ZNF385B: variants seen among roughly 807,000 people sequenced by gnomAD.
ZNF385B encodes zinc finger protein 385B.
A neutral mutation model predicts 39.2 loss-of-function variants in ZNF385B; 23 were observed. That is an observed-to-expected ratio of 0.59 (90% CI 0.42 to 0.83). The LOEUF (loss-of-function observed/expected upper bound fraction) is 0.83, where lower values mean the gene tolerates loss of function less well. ZNF385B is among the 40% of genes least tolerant of loss of function. The probability of loss-of-function intolerance (pLI) is 0.00; values close to 1 mark genes in which losing one functional copy is unlikely to be tolerated. For synonymous variants in ZNF385B, 205 were observed against 222.6 expected, an observed-to-expected ratio of 0.92 and a Z score of 0.70; for missense variants, 552 against 598.9, an observed-to-expected ratio of 0.92 and a Z score of 0.82.
At chr2:179,551,113 T>C (rs1302201665) in intron 3 of ZNF385B, among the ~76,000 whole-genome samples, 2 of 152,064 alleles carry the variant, frequency 1.3e-5, no homozygotes, top group Non-Finnish European at 2.9e-5. Context: ...GAACATAGTA[T>C]ATAATCTGGT....
At chr2:179,687,198 G>A (rs2106336097) in intron 3 of ZNF385B, among the ~76,000 whole-genome samples, 1 of 151,190 alleles carries the variant, frequency 6.6e-6, no homozygotes, top group African/African-American at 2.4e-5. Context: ...TGGAGGAAAT[G>A]ATCCACACAA....
intron 3 of ZNF385B, among the ~76,000 whole-genome samples, chr2:179,762,776 T>TA (rs1703477300): frequency 6.6e-6 from 1 of 152,228 alleles, no homozygotes; most frequent in Non-Finnish European, 1.5e-5. Flanking sequence ...GGTGTCAGTT[T>TA]AAAAAATCCT....
At chr2:179,493,602 CAT>C in intron 5 of ZNF385B, among the ~76,000 whole-genome samples, 1 of 105,540 alleles carries the variant, frequency 9.5e-6, no homozygotes, top group South Asian at 3.1e-4. Flanking sequence ...TATGCGTATA[CAT>C]ATATGTACGT....
chr2:179,751,452 G>T (rs1702671648), intron 3 of ZNF385B, among the ~76,000 whole-genome samples: 1 of 152,054 alleles, frequency 6.6e-6, no homozygotes, highest in South Asian at 2.1e-4. Flanking sequence ...AAATTTCTGG[G>T]AAAACATATT....
chr2:179,720,925 G>GTTT lies in ZNF385B; in HGVS notation c.298+48575_298+48577dup, dbSNP rs56131510. Among the ~76,000 whole-genome samples the GTTT allele has an allele frequency of 4.0e-3, 283 of 70,052 alleles. 4 individuals are homozygous for GTTT. Among genetic ancestry groups the GTTT allele is most frequent in the African/African-American group, 5.5e-3 (100 of 18,112 alleles). 46.0% of individuals were successfully genotyped at this position (70,052 alleles called of 152,430 possible). A position where few individuals can be genotyped will look rare whatever the true frequency, so the allele number is the denominator to read the frequency against. On this transcript the variant is annotated intron_variant, in intron 3 of 9. Coordinates refer to ENST00000410066, the MANE Select transcript of ZNF385B (RefSeq NM_152520.6). The stretch of plus-strand genomic sequence containing the variant: ...CAGTTGTGTGCCACCATGCCTGGCT[G>GTTT]TTTTTTTTTTTTTTTTTTTTTTTTG...
chr2:179,839,702 T>C (rs571448895), intron 1 of ZNF385B, among the ~76,000 whole-genome samples: 4 of 152,154 alleles, frequency 2.6e-5, no homozygotes, highest in African/African-American at 9.6e-5. Context: ...AGTCAGAGTG[T>C]AGAGGAGCCA....
intron 5 of ZNF385B, among the ~76,000 whole-genome samples, chr2:179,510,148 AT>A (rs2057553982): frequency 6.5e-5 from 1 of 15,318 alleles, no homozygotes; most frequent in South Asian, 3.1e-3. Context: ...AGAAGCTGCT[AT>A]CTATCTTAAG....
At chr2:179,483,155 A>C in intron 6 of ZNF385B, 117 bp downstream of exon 6, 2 of 1,143,050 alleles carry the variant, frequency 1.7e-6, no homozygotes, top group Non-Finnish European at 2.5e-6. Flanking sequence ...AAACATATTA[A>C]TATCACAAAA....
intron 3 of ZNF385B, among the ~76,000 whole-genome samples, chr2:179,601,249 G>C (rs181407693): frequency 1.3e-5 from 2 of 152,290 alleles, no homozygotes; most frequent in East Asian, 3.9e-4. Flanking sequence ...TTTATGCTGA[G>C]GGAAGAGGAG....
chr2:179,575,928 G>T (rs1233158480), intron 3 of ZNF385B, among the ~76,000 whole-genome samples: 2 of 152,020 alleles, frequency 1.3e-5, no homozygotes, highest in East Asian at 3.9e-4. Context: ...TTCCTCAAGG[G>T]TTCATTTTAA....
chr2:179,496,460 TAGAG>T (rs1372952498), intron 5 of ZNF385B, among the ~76,000 whole-genome samples: 3 of 152,072 alleles, frequency 2.0e-5, no homozygotes, highest in Admixed American at 1.3e-4. Context: ...TTCCCAAACA[TAGAG>T]AAAGATATCA....
chr2:179,481,588 T>C (rs1315160071), intron 6 of ZNF385B, among the ~76,000 whole-genome samples: 4 of 152,168 alleles, frequency 2.6e-5, no homozygotes, highest in African/African-American at 9.7e-5. Context: ...AACACTGAGT[T>C]CACTCAGTAG....
At chr2:179,789,870 T>A (rs1200057374) in intron 1 of ZNF385B, among the ~76,000 whole-genome samples, 1 of 152,040 alleles carries the variant, frequency 6.6e-6, no homozygotes, top group Non-Finnish European at 1.5e-5. Context: ...AGGAAATAAA[T>A]ATAAGAAAAG....
At chr2:179,458,268 C>T (rs2105456465) in intron 6 of ZNF385B, among the ~76,000 whole-genome samples, 2 of 152,246 alleles carry the variant, frequency 1.3e-5, no homozygotes, top group East Asian at 3.9e-4. Context: ...GAATAAGTCT[C>T]ACGAGATCTG....
chr2:179,788,786 C>T (rs1014987589), intron 1 of ZNF385B, among the ~76,000 whole-genome samples: 2 of 152,116 alleles, frequency 1.3e-5, no homozygotes, highest in Non-Finnish European at 2.9e-5. Context: ...GGTCCTGGGG[C>T]ATGACCCACT....
At chr2:179,856,112 A>T (rs1227983064) in intron 1 of ZNF385B, among the ~76,000 whole-genome samples, 1 of 152,226 alleles carries the variant, frequency 6.6e-6, no homozygotes, top group Non-Finnish European at 1.5e-5. Context: ...CTGTTTTTCT[A>T]AAGTTCCTGA....
At chr2:179,588,226 A>C (rs573563350) in intron 3 of ZNF385B, among the ~76,000 whole-genome samples, 133 of 152,014 alleles carry the variant, frequency 8.7e-4, no homozygotes, top group East Asian at 5.4e-3. Flanking sequence ...GTAGCTGGGA[A>C]TACAGGCGCC....
intron 5 of ZNF385B, among the ~76,000 whole-genome samples, chr2:179,513,370 A>C (rs934567391): frequency 6.6e-6 from 1 of 152,222 alleles, no homozygotes; most frequent in Non-Finnish European, 1.5e-5. Flanking sequence ...GAGTCTAAGA[A>C]TGACTCAGAA....
intron 3 of ZNF385B, among the ~76,000 whole-genome samples, chr2:179,688,864 AC>A (rs1698135116): frequency 6.6e-6 from 1 of 152,212 alleles, no homozygotes. Context: ...ATAAATACAT[AC>A]AATTTTATCG....
Sources: gnomAD v4.1 joint callset for allele counts (sites outside exome capture counted in the v4.1 genomes callset) on GRCh38, gnomAD v4.1.1 for gene constraint, MANE v1.5 for transcripts, NCBI Gene and HGNC (gene_info 2026-07-23, HGNC 2026-07-21) for gene names.